Variants in CNTNAP2 observed in about 807,000 individuals in gnomAD.
CNTNAP2 encodes contactin associated protein 2.
A neutral mutation model predicts 155.2 loss-of-function variants in CNTNAP2; 98 were observed. The ratio of observed to expected loss-of-function variants is 0.63; its 90% CI spans 0.54 to 0.75. CNTNAP2 has a LOEUF of 0.75. Among genes scored for constraint, CNTNAP2 ranks in the 30% least tolerant of loss-of-function variants. CNTNAP2 has a pLI of 0.00. For synonymous variants in CNTNAP2, 651 were observed against 631.2 expected (o/e 1.03, Z -0.47); for missense variants, 1,727 against 1,688.1 (o/e 1.02, Z -0.40).
chr7:146,802,171 A>G (rs984742491), intron 2 of CNTNAP2, among the ~76,000 whole-genome samples: 3 of 152,160 alleles, frequency 2.0e-5, no homozygotes, highest in Admixed American at 2.0e-4. Context: ...ATTCTCTGAT[A>G]TGGGTATCAT....
At chr7:147,166,882 A>G (rs945761655) in intron 8 of CNTNAP2, among the ~76,000 whole-genome samples, 9 of 152,160 alleles carry the variant, frequency 5.9e-5, no homozygotes, top group Non-Finnish European at 1.2e-4. Flanking sequence ...CACAGGGGAT[A>G]TGATGGCTTA....
intron 16 of CNTNAP2, among the ~76,000 whole-genome samples, chr7:148,139,008 C>G (rs1405045610): frequency 6.6e-6 from 1 of 152,024 alleles, no homozygotes; most frequent in Non-Finnish European, 1.5e-5. Context: ...TGGTATCTCC[C>G]TTTTGCTTCC....
chr7:147,835,642 T>C (rs1798620742), intron 13 of CNTNAP2, among the ~76,000 whole-genome samples: 1 of 152,202 alleles, frequency 6.6e-6, no homozygotes, highest in African/African-American at 2.4e-5. Flanking sequence ...CAAAAAGATA[T>C]GTCCAAGTTC....
At chr7:147,279,018 C>T (rs1731859515) in intron 8 of CNTNAP2, among the ~76,000 whole-genome samples, 1 of 151,374 alleles carries the variant, frequency 6.6e-6, no homozygotes, top group African/African-American at 2.4e-5. Flanking sequence ...AAAATACATA[C>T]TTGAAATCAT....
intron 15 of CNTNAP2, among the ~76,000 whole-genome samples, chr7:148,064,789 T>C (rs1373896909): frequency 2.0e-5 from 3 of 152,116 alleles, no homozygotes; most frequent in African/African-American, 7.2e-5. Context: ...TCAGTTTCAT[T>C]GAGTTTTACT....
chr7:147,611,168 GGTT>G lies in CNTNAP2; in HGVS notation c.1898-27937_1898-27935del, dbSNP rs553947021. Among the ~76,000 whole-genome samples the G allele has an allele frequency of 3.5e-3, 532 of 152,260 alleles. 2 individuals carry two copies. Among genetic ancestry groups the G allele is most frequent in the African/African-American group, 0.012 (509 of 41,548 alleles). ...AAATAACAGGGAGCGTTCTCTTTAA[GGTT>G]CCTCAGGAATGGTCAGTCATGGATC... On this transcript the variant is annotated intron_variant, in intron 12 of 23. Transcript: ENST00000361727.
At chr7:147,848,182 G>C (rs1008690668) in intron 13 of CNTNAP2, among the ~76,000 whole-genome samples, 2 of 140,622 alleles carry the variant, frequency 1.4e-5, no homozygotes, top group African/African-American at 5.1e-5. Flanking sequence ...AATGGCGGGC[G>C]CCCCTCCCCC....
At chr7:148,130,815 CATTTTGCATCTTGATTTATA>C (rs2116627681) in intron 16 of CNTNAP2, among the ~76,000 whole-genome samples, 1 of 152,226 alleles carries the variant, frequency 6.6e-6, no homozygotes, top group South Asian at 2.1e-4. Context: ...TTTTTTTTAT[CATTTTGCATCTTGATTTATA>C]ATATAAAAAA....
At chr7:146,705,616 C>T (rs1800950362) in intron 1 of CNTNAP2, among the ~76,000 whole-genome samples, 1 of 130,316 alleles carries the variant, frequency 7.7e-6, no homozygotes, top group Admixed American at 6.7e-5. Context: ...AATGGACTCA[C>T]AGTCCACATG....
intron 8 of CNTNAP2, among the ~76,000 whole-genome samples, chr7:147,173,654 A>T (rs1584771421): frequency 1.3e-5 from 2 of 152,316 alleles, no homozygotes; most frequent in East Asian, 3.9e-4. Context: ...CTAGACAGGC[A>T]TTCACCTGGT....
At chr7:147,113,075 G>A (rs925209364) in intron 5 of CNTNAP2, among the ~76,000 whole-genome samples, 12 of 152,004 alleles carry the variant, frequency 7.9e-5, no homozygotes, top group African/African-American at 2.9e-4. Flanking sequence ...GTCATTATTG[G>A]TCTGGCTTAG....
At chr7:146,160,733 C>A (rs1201042740) in intron 1 of CNTNAP2, among the ~76,000 whole-genome samples, 1 of 152,104 alleles carries the variant, frequency 6.6e-6, no homozygotes, top group Non-Finnish European at 1.5e-5. Context: ...CAAAAAAAGT[C>A]CAGGACCAGA....
In CNTNAP2 at chr7:146,953,977, A is replaced by T. The variant is rs963508867; in HGVS notation, c.403-89930A>T. Among the ~76,000 whole-genome samples, 8 of 151,978 alleles carry T rather than the reference A, an allele frequency of 5.3e-5. No individual in the cohort carries two copies. The South Asian group carries it at 1.7e-3, about 31-fold the overall frequency. On this transcript the variant is annotated intron_variant, in intron 3 of 23. Coordinates refer to ENST00000361727, the MANE Select transcript of CNTNAP2 (RefSeq NM_014141.6). Reference sequence around the variant, plus strand: ...TATATCTTGTTTCTAGTTTTTGCTGATAGCTGTATATAATCAACTATTATT... The same window carrying T: ...TATATCTTGTTTCTAGTTTTTGCTGTTAGCTGTATATAATCAACTATTATT...
chr7:147,761,444 T>C (rs1797296875), intron 13 of CNTNAP2, among the ~76,000 whole-genome samples: 1 of 152,180 alleles, frequency 6.6e-6, no homozygotes, highest in Non-Finnish European at 1.5e-5. Context: ...AGAGGTTTCC[T>C]TCAAAACAGA....
intron 13 of CNTNAP2, among the ~76,000 whole-genome samples, chr7:147,786,023 G>A (rs1218473436): frequency 6.6e-6 from 1 of 152,030 alleles, no homozygotes; most frequent in East Asian, 1.9e-4. Flanking sequence ...CAGGCACGGT[G>A]GCTCATGCCT....
intron 1 of CNTNAP2, among the ~76,000 whole-genome samples, chr7:146,158,835 G>T (rs768360408): frequency 3.3e-5 from 5 of 152,174 alleles, no homozygotes; most frequent in Non-Finnish European, 7.3e-5. Flanking sequence ...TTATCCAGGA[G>T]AACTTCCCCA....
intron 21 of CNTNAP2, among the ~76,000 whole-genome samples, chr7:148,346,704 G>A (rs752342994): frequency 2.4e-4 from 36 of 151,446 alleles, no homozygotes; most frequent in Non-Finnish European, 4.6e-4. Context: ...CCTGGGAGGC[G>A]GAGGTTGCAG....
chr7:146,164,120 A>G (rs1392055009), intron 1 of CNTNAP2, among the ~76,000 whole-genome samples: 1 of 152,230 alleles, frequency 6.6e-6, no homozygotes, highest in East Asian at 1.9e-4. Flanking sequence ...TGGTGAGTCA[A>G]CATTTATTTC....
At chr7:147,483,230 T>TAAC (rs10680752) in intron 10 of CNTNAP2, among the ~76,000 whole-genome samples, 94,142 of 151,500 alleles carry the variant, frequency 0.62, 29,519 homozygotes, top group African/African-American at 0.7. Context: ...AAATTAAAAA[T>TAAC]AATACGATGA....
Sources: gnomAD v4.1 joint callset for allele counts (sites outside exome capture counted in the v4.1 genomes callset) on GRCh38, gnomAD v4.1.1 for gene constraint, MANE v1.5 for transcripts, NCBI Gene and HGNC (gene_info 2026-07-23, HGNC 2026-07-21) for gene names.